CSMD1: variants seen among roughly 807,000 people sequenced by gnomAD.
The protein encoded by CSMD1 is CUB and Sushi multiple domains 1.
A neutral mutation model predicts 417.5 loss-of-function variants in CSMD1; 213 were observed. That is an observed-to-expected ratio of 0.51 (90% CI 0.46 to 0.57). CSMD1 has a LOEUF of 0.57. CSMD1 is among the 20% of genes least tolerant of loss of function. CSMD1 has a pLI of 0.00. For synonymous variants in CSMD1, 2,862 were observed against 1,736.8 expected (o/e 1.65, Z -16.11); for missense variants, 6,923 against 4,529.7 (o/e 1.53, Z -15.17).
At chr8:4,201,975 G>A (rs1018211988) in intron 3 of CSMD1, among the ~76,000 whole-genome samples, 1 of 150,612 alleles carries the variant, frequency 6.6e-6, no homozygotes, top group Non-Finnish European at 1.5e-5. Flanking sequence ...AAACAAAAAT[G>A]AATCCTACTT....
intron 69 of CSMD1, among the ~76,000 whole-genome samples, chr8:2,941,857 G>A (rs969545604): frequency 6.6e-6 from 1 of 152,180 alleles, no homozygotes; most frequent in Non-Finnish European, 1.5e-5. Flanking sequence ...CCCTTTTGCT[G>A]GAAGGTTGAA....
At chr8:4,329,950 A>G (rs1799775407) in intron 3 of CSMD1, among the ~76,000 whole-genome samples, 1 of 151,912 alleles carries the variant, frequency 6.6e-6, no homozygotes. Context: ...TTCTGCCATG[A>G]CTGGAAGCTC....
intron 53 of CSMD1, among the ~76,000 whole-genome samples, chr8:2,998,416 A>C (rs1158045188): frequency 6.6e-6 from 1 of 152,212 alleles, no homozygotes; most frequent in East Asian, 1.9e-4. Flanking sequence ...ACACCTGCCA[A>C]ACACGCTTTC....
chr8:3,309,117 T>C (rs1805123308), intron 23 of CSMD1, among the ~76,000 whole-genome samples: 1 of 146,510 alleles, frequency 6.8e-6, no homozygotes, highest in African/African-American at 2.8e-5. Flanking sequence ...CCCAATGCCC[T>C]CTAGGACCTC....
chr8:3,213,325 A>C (rs1412648437), intron 30 of CSMD1, among the ~76,000 whole-genome samples: 1 of 152,178 alleles, frequency 6.6e-6, no homozygotes, highest in African/African-American at 2.4e-5. Flanking sequence ...TTTTAAATAT[A>C]TACCATGAAA....
At chr8:4,101,093 A>G (rs956466423) in intron 3 of CSMD1, among the ~76,000 whole-genome samples, 1 of 152,180 alleles carries the variant, frequency 6.6e-6, no homozygotes, top group African/African-American at 2.4e-5. Context: ...AGAACTATGC[A>G]TCTACCGGTT....
intron 3 of CSMD1, among the ~76,000 whole-genome samples, chr8:4,115,347 T>G (rs1359790181): frequency 6.6e-6 from 1 of 152,242 alleles, no homozygotes; most frequent in African/African-American, 2.4e-5. Context: ...GACATAATAC[T>G]GTTGCATAAA....
intron 1 of CSMD1, among the ~76,000 whole-genome samples, chr8:4,928,097 C>G (rs189136840): frequency 2.0e-5 from 3 of 152,138 alleles, no homozygotes; most frequent in Non-Finnish European, 2.9e-5. Context: ...ATTCTTAGCC[C>G]TCATCCTCAG....
intron 2 of CSMD1, among the ~76,000 whole-genome samples, chr8:4,489,183 A>T (rs1189831771): frequency 6.6e-6 from 1 of 152,214 alleles, no homozygotes; most frequent in Admixed American, 6.5e-5. Context: ...AAATGCTGGG[A>T]TAACAGGCGT....
At chr8:3,047,348 T>G (rs1585222530) in intron 50 of CSMD1, among the ~76,000 whole-genome samples, 1 of 152,302 alleles carries the variant, frequency 6.6e-6, no homozygotes, top group East Asian at 1.9e-4. Flanking sequence ...CTACATCCGT[T>G]ATTCTTTTCC....
At chr8:3,881,378 A>G (rs182608947) in intron 5 of CSMD1, among the ~76,000 whole-genome samples, 1 of 151,768 alleles carries the variant, frequency 6.6e-6, no homozygotes, top group African/African-American at 2.4e-5. Context: ...GCTTATGCCT[A>G]TAATCCCAGC....
intron 5 of CSMD1, among the ~76,000 whole-genome samples, chr8:3,954,815 A>G (rs1811829548): frequency 6.6e-6 from 1 of 152,102 alleles, no homozygotes; most frequent in Non-Finnish European, 1.5e-5. Flanking sequence ...GCCCCTCGGA[A>G]GCGAGCATGC....
At chr8:4,358,645 A>G (rs1416174930) in intron 3 of CSMD1, among the ~76,000 whole-genome samples, 7 of 152,208 alleles carry the variant, frequency 4.6e-5, no homozygotes, top group Non-Finnish European at 1.0e-4. Context: ...TAATTTATGA[A>G]TTCCTTTTAG....
At chr8:3,817,997 C>A (rs1471848610) in intron 5 of CSMD1, among the ~76,000 whole-genome samples, 1 of 152,144 alleles carries the variant, frequency 6.6e-6, no homozygotes, top group Non-Finnish European at 1.5e-5. Flanking sequence ...AGAAAAAGCC[C>A]ATTTTTACTT....
chr8:4,259,489 A>G (rs1234322686), intron 3 of CSMD1, among the ~76,000 whole-genome samples: 4 of 152,032 alleles, frequency 2.6e-5, no homozygotes, highest in African/African-American at 9.7e-5. Context: ...ATTTTCATAC[A>G]TAAAGTTTAT....
intron 26 of CSMD1, among the ~76,000 whole-genome samples, chr8:3,241,496 G>A (rs1799518106): frequency 6.6e-6 from 1 of 152,198 alleles, no homozygotes; most frequent in South Asian, 2.1e-4. Context: ...ACTAAGCCGA[G>A]AAGATCTGGG....
At chr8:3,393,241 C>A (rs1811454495) in intron 17 of CSMD1, among the ~76,000 whole-genome samples, 1 of 152,164 alleles carries the variant, frequency 6.6e-6, no homozygotes, top group Admixed American at 6.5e-5. Flanking sequence ...CCTTTGAAGT[C>A]ACAGTGCTGG....
chr8:3,256,478 C>G (rs941057595), intron 26 of CSMD1, among the ~76,000 whole-genome samples: 7 of 152,164 alleles, frequency 4.6e-5, no homozygotes, highest in South Asian at 2.1e-4. Context: ...TGCTTCAGAT[C>G]TAGCTACTAT....
At chr8:4,414,276 G>C (rs189962174) in intron 3 of CSMD1, among the ~76,000 whole-genome samples, 8 of 152,166 alleles carry the variant, frequency 5.3e-5, no homozygotes, top group Admixed American at 3.9e-4. Context: ...CCAACAGAGT[G>C]ACACCCTGGT....
Sources: gnomAD v4.1 joint callset for allele counts (sites outside exome capture counted in the v4.1 genomes callset) on GRCh38, gnomAD v4.1.1 for gene constraint, MANE v1.5 for transcripts, NCBI Gene and HGNC (gene_info 2026-07-23, HGNC 2026-07-21) for gene names.